EYS: variants seen among roughly 807,000 people sequenced by gnomAD.
EYS encodes protein eyes shut homolog.
EYS carries 250 observed loss-of-function variants against 282.1 expected under a neutral mutation model. That is an observed-to-expected ratio of 0.89 (90% CI 0.80 to 0.98). The LOEUF is 0.98. Ranked by LOEUF, EYS falls within the 50% of genes least tolerant of loss-of-function variation. The pLI, the probability that EYS is intolerant of heterozygous loss-of-function variation, is 0.00. For missense variants in EYS, 4,016 were observed against 3,709.0 expected (o/e 1.08, Z -2.15); for synonymous variants, 1,355 against 1,282.9 (o/e 1.06, Z -1.20).
chr6:64,281,201 G>T (rs901299883), intron 30 of EYS, among the ~76,000 whole-genome samples: 141 of 151,968 alleles, frequency 9.3e-4, no homozygotes, highest in Non-Finnish European at 2.6e-4. Flanking sequence ...GATCAGAAGG[G>T]TTTTGTATAA....
At chr6:65,650,000 A>G (rs1163800774) in intron 1 of EYS, among the ~76,000 whole-genome samples, 2 of 152,238 alleles carry the variant, frequency 1.3e-5, no homozygotes, top group African/African-American at 4.8e-5. Flanking sequence ...CATTAAATGT[A>G]TTAAAATGGA....
chr6:65,694,762 T>C (rs1769381641), intron 1 of EYS, among the ~76,000 whole-genome samples: 1 of 139,020 alleles, frequency 7.2e-6, no homozygotes, highest in Non-Finnish European at 1.6e-5. Context: ...AAAAAAACTT[T>C]GTAAAACCCT....
chr6:64,555,808 A>G (rs1765216571), intron 26 of EYS, among the ~76,000 whole-genome samples: 1 of 151,980 alleles, frequency 6.6e-6, no homozygotes, highest in South Asian at 2.1e-4. Context: ...GAAAATATGT[A>G]CACCTATTAT....
chr6:64,649,400 G>T (rs144396256), intron 22 of EYS, among the ~76,000 whole-genome samples: 1 of 151,374 alleles, frequency 6.6e-6, no homozygotes, highest in African/African-American at 2.4e-5. Flanking sequence ...GCAGTGCCAC[G>T]ATCTCAGCTC....
chr6:63,790,076 A>G (rs764753960), intron 37 of EYS, among the ~76,000 whole-genome samples: 12 of 152,252 alleles, frequency 7.9e-5, no homozygotes, highest in Non-Finnish European at 1.6e-4. Flanking sequence ...CAGTCAGGAA[A>G]CTGAGGCAAA....
chr6:64,026,541 A>G (rs1296130004), intron 33 of EYS, among the ~76,000 whole-genome samples: 1 of 152,148 alleles, frequency 6.6e-6, no homozygotes, highest in African/African-American at 2.4e-5. Context: ...TTACAATACT[A>G]TCCTGCAGCT....
chr6:63,850,440 T>C (rs1319937419), intron 36 of EYS, among the ~76,000 whole-genome samples: 6 of 152,010 alleles, frequency 3.9e-5, no homozygotes, highest in Middle Eastern at 3.2e-3. Context: ...AAAGATTGGG[T>C]TACCCACAAA....
intron 12 of EYS, among the ~76,000 whole-genome samples, chr6:65,249,625 C>A (rs183926835): frequency 4.9e-4 from 74 of 151,474 alleles, no homozygotes; most frequent in East Asian, 3.1e-3. Flanking sequence ...CTCTTGTCTG[C>A]GAACACAAAA....
At chr6:64,938,088 A>G (rs1390727223) in intron 15 of EYS, among the ~76,000 whole-genome samples, 1 of 151,654 alleles carries the variant, frequency 6.6e-6, no homozygotes, top group African/African-American at 2.4e-5. Flanking sequence ...AGAGATAGAA[A>G]GTCGATTAGG....
intron 2 of EYS, among the ~76,000 whole-genome samples, chr6:65,523,752 T>A (rs1482789476): frequency 1.3e-5 from 2 of 152,206 alleles, no homozygotes; most frequent in African/African-American, 4.8e-5. Context: ...ATTATATAGC[T>A]ACATCAGGGG....
At chr6:65,646,058 T>C (rs1404671573) in intron 1 of EYS, among the ~76,000 whole-genome samples, 2 of 151,986 alleles carry the variant, frequency 1.3e-5, no homozygotes, top group East Asian at 3.9e-4. Flanking sequence ...CTAAAAAAAG[T>C]GCGGAATCAG....
intron 29 of EYS, among the ~76,000 whole-genome samples, chr6:64,342,783 C>T (rs528071113): frequency 3.4e-4 from 52 of 151,964 alleles, no homozygotes; most frequent in African/African-American, 6.3e-4. Context: ...GAGTCAAAAC[C>T]CATCAGTGTG....
At chr6:64,874,540 A>T (rs1363333299) in intron 19 of EYS, among the ~76,000 whole-genome samples, 1 of 152,006 alleles carries the variant, frequency 6.6e-6, no homozygotes, top group African/African-American at 2.4e-5. Flanking sequence ...CTGAAATCAG[A>T]ACTTAAGATG....
At chr6:65,416,718 C>A (rs962563117) in intron 5 of EYS, among the ~76,000 whole-genome samples, 1 of 151,894 alleles carries the variant, frequency 6.6e-6, no homozygotes, top group Non-Finnish European at 1.5e-5. Flanking sequence ...TAACGCACTG[C>A]AGTTAGTTGA....
intron 22 of EYS, among the ~76,000 whole-genome samples, chr6:64,781,785 C>T (rs1475812318): frequency 6.6e-6 from 1 of 152,106 alleles, no homozygotes; most frequent in Admixed American, 6.6e-5. Flanking sequence ...CCAATAATTT[C>T]CTCATTTTCA....
intron 12 of EYS, among the ~76,000 whole-genome samples, chr6:65,115,719 CAT>C (rs1302768139): frequency 6.6e-6 from 1 of 152,060 alleles, no homozygotes; most frequent in Non-Finnish European, 1.5e-5. Flanking sequence ...CTGTGGCAGA[CAT>C]ATCACTATTA....
chr6:64,664,295 T>C (rs1181642952), intron 22 of EYS, among the ~76,000 whole-genome samples: 1 of 152,232 alleles, frequency 6.6e-6, no homozygotes, highest in Non-Finnish European at 1.5e-5. Flanking sequence ...ATGATGTGAC[T>C]ATTTCTTTAC....
intron 26 of EYS, among the ~76,000 whole-genome samples, chr6:64,563,494 A>G (rs934276990): frequency 6.6e-6 from 1 of 152,112 alleles, no homozygotes; most frequent in African/African-American, 2.4e-5. Context: ...GGATTCTCAC[A>G]ATCTTATTAC....
chr6:63,783,719 C>T (rs998939102), intron 39 of EYS, among the ~76,000 whole-genome samples: 3 of 152,042 alleles, frequency 2.0e-5, no homozygotes, highest in African/African-American at 7.2e-5. Flanking sequence ...GCTTTCCAGG[C>T]AAATGGAATT....
Sources: gnomAD v4.1 joint callset for allele counts (sites outside exome capture counted in the v4.1 genomes callset) on GRCh38, gnomAD v4.1.1 for gene constraint, MANE v1.5 for transcripts, NCBI Gene and HGNC (gene_info 2026-07-23, HGNC 2026-07-21) for gene names.